The following C12orf56 variants were observed in gnomAD, a reference collection of about 807,000 sequenced individuals.
The protein encoded by C12orf56 is chromosome 12 open reading frame 56, also known as uncharacterized protein C12orf56.
C12orf56 carries 71 observed loss-of-function variants against 69.9 expected under a neutral mutation model. The ratio of observed to expected loss-of-function variants is 1.02; its 90% CI spans 0.84 to 1.24. The LOEUF (loss-of-function observed/expected upper bound fraction) is 1.24. C12orf56 is among the 50% of genes most tolerant of loss of function. The probability of loss-of-function intolerance (pLI) is 0.00; values close to 1 mark genes in which losing one functional copy is unlikely to be tolerated. For missense variants in C12orf56, 732 were observed against 738.5 expected (o/e 0.99, Z 0.10); for synonymous variants, 276 against 274.1 (o/e 1.01, Z -0.07).
intron 11 of C12orf56, among the ~76,000 whole-genome samples, chr12:64,270,915 C>T (rs2037980183): frequency 1.3e-5 from 2 of 152,192 alleles, no homozygotes; most frequent in African/African-American, 4.8e-5. Context: ...CGCCTGTAAT[C>T]CCAGCACTTT....
At chr12:64,384,269 A>G (rs969442599) in intron 1 of C12orf56, among the ~76,000 whole-genome samples, 1 of 151,700 alleles carries the variant, frequency 6.6e-6, no homozygotes, top group Non-Finnish European at 1.5e-5. Context: ...TATTCTGTTT[A>G]CCTCCCCTTC....
intron 12 of C12orf56, among the ~76,000 whole-genome samples, chr12:64,270,309 G>A (rs1283521925): frequency 6.6e-5 from 10 of 152,140 alleles, no homozygotes; most frequent in African/African-American, 1.7e-4. Flanking sequence ...GCTGAGGCAG[G>A]AGAATTGCTC....
intron 1 of C12orf56, among the ~76,000 whole-genome samples, chr12:64,362,271 A>G (rs1355511451): frequency 2.0e-5 from 3 of 152,114 alleles, no homozygotes; most frequent in African/African-American, 4.8e-5. Flanking sequence ...TTGGCCTAAG[A>G]CTTGCTTTGG....
chr12:64,314,526 C>T (rs1437447461), intron 4 of C12orf56, among the ~76,000 whole-genome samples: 1 of 152,122 alleles, frequency 6.6e-6, no homozygotes, highest in African/African-American at 2.4e-5. Flanking sequence ...ATTCTGGGTC[C>T]TCAAAATAGT....
At chr12:64,294,582 C>A (rs929212529) in intron 6 of C12orf56, among the ~76,000 whole-genome samples, 1 of 151,918 alleles carries the variant, frequency 6.6e-6, no homozygotes, top group East Asian at 1.9e-4. Context: ...CACAAAAAGA[C>A]AAGTACTATA....
chr12:64,285,120 A>C (rs2038182147), intron 7 of C12orf56, among the ~76,000 whole-genome samples: 1 of 151,538 alleles, frequency 6.6e-6, no homozygotes, highest in Admixed American at 6.6e-5. Flanking sequence ...TCAGGAGGTC[A>C]AGACTGCAGT....
chr12:64,301,930 G>C (rs1215386876), intron 6 of C12orf56, among the ~76,000 whole-genome samples: 1 of 152,188 alleles, frequency 6.6e-6, no homozygotes, highest in Non-Finnish European at 1.5e-5. Context: ...TTTGAAGTCT[G>C]TGATTAGTGG....
At chr12:64,314,043 CAAAAAAAA>C (rs762340003) in intron 4 of C12orf56, among the ~76,000 whole-genome samples, 3 of 67,092 alleles carry the variant, frequency 4.5e-5, no homozygotes, top group African/African-American at 1.1e-4. Flanking sequence ...AACTCTGTCT[CAAAAAAAA>C]AAAAAAAAAA....
intron 6 of C12orf56, among the ~76,000 whole-genome samples, chr12:64,301,116 A>G (rs991849704): frequency 1.3e-5 from 2 of 152,190 alleles, no homozygotes; most frequent in Non-Finnish European, 2.9e-5. Context: ...CCTCCCAGCC[A>G]TGTGGAACTG....
rs11275269 is a variant in C12orf56, at chr12:64,358,482, A to AATAATCATC, written c.253-5427_253-5426insGATGATTAT. Among the ~76,000 whole-genome samples the AATAATCATC allele has an allele frequency of 3.0e-4, 38 of 125,946 alleles. No homozygotes were observed. The South Asian group carries it at 4.0e-3, about 13-fold the overall frequency. 82.6% of individuals were successfully genotyped at this position (125,946 alleles called of 152,430 possible). On this transcript the variant is annotated intron_variant, in intron 1 of 12. Transcript: ENST00000543942. ...CAAAAGTAATAATAATAATAATAAT[A>AATAATCATC]ATCATCATCATCATCATCATCATCA...
At chr12:64,294,870 A>T (rs1291169630) in intron 6 of C12orf56, among the ~76,000 whole-genome samples, 3 of 152,108 alleles carry the variant, frequency 2.0e-5, no homozygotes, top group East Asian at 3.9e-4. Context: ...CACAATTTTT[A>T]AAAATGAAAA....
At chr12:64,289,423 G>A (rs1459432719) in intron 6 of C12orf56, among the ~76,000 whole-genome samples, 1 of 66,064 alleles carries the variant, frequency 1.5e-5, no homozygotes, top group Non-Finnish European at 3.2e-5. Context: ...TCCCTGTCTT[G>A]TGCCAGTTTT....
chr12:64,343,225 C>A (rs1351963041), intron 2 of C12orf56, among the ~76,000 whole-genome samples: 1 of 152,120 alleles, frequency 6.6e-6, no homozygotes, highest in Non-Finnish European at 1.5e-5. Flanking sequence ...GGTAGAAGGT[C>A]CCTGAATTTT....
chr12:64,297,956 G>A (rs1357703927), intron 6 of C12orf56, among the ~76,000 whole-genome samples: 2 of 152,094 alleles, frequency 1.3e-5, no homozygotes, highest in African/African-American at 4.8e-5. Context: ...TTGTGGAATC[G>A]CCACACTGCC....
At chr12:64,346,277 G>A (rs2039140675) in intron 2 of C12orf56, among the ~76,000 whole-genome samples, 1 of 152,120 alleles carries the variant, frequency 6.6e-6, no homozygotes, top group African/African-American at 2.4e-5. Context: ...ATCCAGCACA[G>A]GAGAAAGATG....
intron 12 of C12orf56, among the ~76,000 whole-genome samples, chr12:64,269,260 C>T (rs754323586): frequency 1.3e-5 from 2 of 152,090 alleles, no homozygotes; most frequent in African/African-American, 4.8e-5. Flanking sequence ...AAAGCTGTGT[C>T]CGCTGTACCC....
Position 64,275,300 on chromosome 12 carries a change from G to T in C12orf56, c.1507C>A (p.Gln503Lys), listed in dbSNP as rs776248300. ...LLYEILLVFQ[Q>K]GNLGLGSTKF... ...AATATAATTTTTAAAAATTGTACCT[G>T]CTGAAAGACCAGAAGTATCTCATAT... The change falls in exon 10 of 13, where the codon CAG (glutamine) becomes AAG (lysine). Residue 503 changes from glutamine (Q) to lysine (K), a missense_variant and splice_region_variant. Physicochemically the swap from Gln to Lys is moderately conservative, Grantham distance 53 (BLOSUM62 1). Transcript: ENST00000543942. 7.3e-7 allele frequency: 1 copy of T among 1,377,222 alleles called. No homozygotes were observed. Among genetic ancestry groups the T allele is most frequent in the Non-Finnish European group, 9.7e-7 (1 of 1,030,582 alleles). 85.3% of individuals were successfully genotyped at this position (1,377,222 alleles called of 1,614,324 possible).
rs149859770 is a variant in C12orf56, at chr12:64,348,306, T to C, written c.415+4588A>G. 1.4e-3 allele frequency among the ~76,000 whole-genome samples: 213 copies of C among 152,190 alleles called. 3 individuals carry two copies. Among genetic ancestry groups the C allele is most frequent in the East Asian group, 1.2e-3 (6 of 5,174 alleles). ...AAAAAGCAGGGGTAGGGGGGTATTA[T>C]ATGGTTTTTCTGCAAATTGAGAATT... is the stretch of plus-strand genomic sequence containing the variant. On this transcript the variant is annotated intron_variant, in intron 2 of 12. Transcript: ENST00000543942.
At chr12:64,320,169 T>G (rs2038752968) in intron 3 of C12orf56, among the ~76,000 whole-genome samples, 2 of 152,222 alleles carry the variant, frequency 1.3e-5, no homozygotes, top group African/African-American at 4.8e-5. Flanking sequence ...GCGGTTCTCT[T>G]CCGTGACCCA....
Sources: allele counts gnomAD v4.1 joint callset (sites outside exome capture counted in the v4.1 genomes callset), GRCh38; gene constraint gnomAD v4.1.1; transcripts MANE v1.5; gene names NCBI Gene and HGNC (gene_info 2026-07-23, HGNC 2026-07-21).